The following GRAMD2B variants were observed in gnomAD, a reference collection of about 807,000 sequenced individuals.
GRAMD2B encodes the protein GRAM domain-containing protein 2B.
GRAMD2B carries 41 observed loss-of-function variants against 59.2 expected under a neutral mutation model. The ratio of observed to expected loss-of-function variants is 0.69; its 90% CI spans 0.54 to 0.90. The LOEUF (loss-of-function observed/expected upper bound fraction) is 0.90, where lower values mean the gene tolerates loss of function less well. Among genes scored for constraint, GRAMD2B ranks in the 40% least tolerant of loss-of-function variants. The pLI is 0.00. For missense variants in GRAMD2B, 424 were observed against 500.5 expected (o/e 0.85, Z 1.46); for synonymous variants, 161 against 182.7 (o/e 0.88, Z 0.96).
chr5:126,454,885 G>A (rs1765998885), intron 1 of GRAMD2B, among the ~76,000 whole-genome samples: 1 of 152,134 alleles, frequency 6.6e-6, no homozygotes, highest in Non-Finnish European at 1.5e-5. Flanking sequence ...CCTATTTGGG[G>A]CTCCTTTGGT....
chr5:126,453,063 T>G (rs944907509), intron 1 of GRAMD2B, among the ~76,000 whole-genome samples: 4 of 152,130 alleles, frequency 2.6e-5, no homozygotes, highest in Non-Finnish European at 5.9e-5. Flanking sequence ...CAATTGCTGG[T>G]GGAGAAGAGC....
chr5:126,422,717 T>A (rs1759871759), upstream of GRAMD2B, among the ~76,000 whole-genome samples: 1 of 152,114 alleles, frequency 6.6e-6, no homozygotes, highest in East Asian at 1.9e-4. Context: ...AACAGGCAAG[T>A]CAAAATGTCA....
chr5:126,461,029 A>G (rs1581135954), intron 1 of GRAMD2B, among the ~76,000 whole-genome samples: 1 of 152,192 alleles, frequency 6.6e-6, no homozygotes, highest in East Asian at 1.9e-4. Flanking sequence ...AGCTTAGATT[A>G]ACATGTGGGT....
At chr5:126,374,285 A>C (rs1191155707) in intron 1 of GRAMD2B, among the ~76,000 whole-genome samples, 1 of 152,176 alleles carries the variant, frequency 6.6e-6, no homozygotes, top group Non-Finnish European at 1.5e-5. Flanking sequence ...ATGGTAACTC[A>C]ATGTGGGTTT....
chr5:126,465,497 C>A lies in GRAMD2B; in HGVS notation c.155C>A (p.Pro52Gln), dbSNP rs758938822. The A allele has an allele frequency of 5.6e-6, 9 of 1,614,016 alleles. No individual in the cohort carries two copies. The highest frequency in any genetic ancestry group is 7.6e-6 in the Non-Finnish European group (9 of 1,180,024). The change falls in exon 2 of 14, where the codon CCA (proline) becomes CAA (glutamine). Residue 52 changes from proline (P) to glutamine (Q), a missense_variant. Pro to Gln is a moderately conservative substitution (Grantham distance 76). Coordinates refer to ENST00000285689, the MANE Select transcript of GRAMD2B (RefSeq NM_023927.4). ...TCGCCAACAGCCCAATCCCCTACCCCATCTGTGGAGGCGGACTCCCCAGAC... is the reference window on the plus strand; with the variant it reads ...TCGCCAACAGCCCAATCCCCTACCCAATCTGTGGAGGCGGACTCCCCAGAC... ...CRSPTAQSPT[P>Q]SVEADSPDQK...
At chr5:126,400,413 TAAC>T (rs1398040072) in intron 1 of GRAMD2B, among the ~76,000 whole-genome samples, 1 of 152,144 alleles carries the variant, frequency 6.6e-6, no homozygotes, top group African/African-American at 2.4e-5. Context: ...ATGTATCTAT[TAAC>T]AAATTATTAT....
intron 1 of GRAMD2B, among the ~76,000 whole-genome samples, chr5:126,376,887 G>A (rs1755234105): frequency 6.6e-6 from 1 of 152,080 alleles, no homozygotes; most frequent in Non-Finnish European, 1.5e-5. Flanking sequence ...GGCAGGCTAA[G>A]ACAGGAGGCA....
chr5:126,394,860 T>A (rs1561476161), intron 1 of GRAMD2B, among the ~76,000 whole-genome samples: 1 of 152,222 alleles, frequency 6.6e-6, no homozygotes, highest in Non-Finnish European at 1.5e-5. Context: ...TAAATATGTT[T>A]TTTTTCTGTC....
intron 1 of GRAMD2B, among the ~76,000 whole-genome samples, chr5:126,379,067 T>G: frequency 6.6e-6 from 1 of 151,730 alleles, no homozygotes; most frequent in African/African-American, 2.4e-5. Context: ...CTCCCACCCT[T>G]TCCCCCAAGT....
At chr5:126,466,166 A>C (rs1768340077) in intron 2 of GRAMD2B, 1 of 1,444,478 alleles carries the variant, frequency 6.9e-7, no homozygotes. Flanking sequence ...AGTTTATCTA[A>C]ACTGAGTACA....
intron 1 of GRAMD2B, among the ~76,000 whole-genome samples, chr5:126,454,694 A>G (rs1432042238): frequency 1.3e-5 from 2 of 152,186 alleles, no homozygotes; most frequent in Admixed American, 6.5e-5. Context: ...TTGAGACCAT[A>G]TTAAAGAGGT....
At chr5:126,441,164 T>G (rs1763225448) in intron 1 of GRAMD2B, among the ~76,000 whole-genome samples, 1 of 152,202 alleles carries the variant, frequency 6.6e-6, no homozygotes. Flanking sequence ...AATTATATAT[T>G]TTTTTCTTAA....
chr5:126,414,814 A>G (rs1759119894), intron 1 of GRAMD2B, among the ~76,000 whole-genome samples: 1 of 152,124 alleles, frequency 6.6e-6, no homozygotes, highest in South Asian at 2.1e-4. Context: ...ACAGAGCCCT[A>G]TAGGAAGATG....
upstream of GRAMD2B, among the ~76,000 whole-genome samples, chr5:126,369,160 A>G (rs545667077): frequency 6.6e-6 from 1 of 152,118 alleles, no homozygotes; most frequent in South Asian, 2.1e-4. Context: ...TGCCTTCCCC[A>G]TGACCCCACA....
chr5:126,414,312 A>G (rs547422276), intron 1 of GRAMD2B, among the ~76,000 whole-genome samples: 200 of 152,326 alleles, frequency 1.3e-3, no homozygotes, highest in African/African-American at 4.0e-3. Flanking sequence ...TAGGTGTCTT[A>G]TTAGAGAATT....
At chr5:126,474,361 T>C (rs1352627641) in intron 5 of GRAMD2B, among the ~76,000 whole-genome samples, 1 of 152,238 alleles carries the variant, frequency 6.6e-6, no homozygotes, top group East Asian at 1.9e-4. Context: ...ATATTTTCTT[T>C]TGTTGGTGTT....
At chr5:126,376,279 C>T (rs1206548882) in intron 1 of GRAMD2B, among the ~76,000 whole-genome samples, 2 of 152,124 alleles carry the variant, frequency 1.3e-5, no homozygotes, top group Non-Finnish European at 2.9e-5. Flanking sequence ...CAGAACTAAT[C>T]GGAAATGTTA....
chr5:126,443,428 G>A (rs1763632439), intron 1 of GRAMD2B, among the ~76,000 whole-genome samples: 1 of 152,178 alleles, frequency 6.6e-6, no homozygotes, highest in Non-Finnish European at 1.5e-5. Flanking sequence ...TTTAGTAAGT[G>A]TTGTTTCAGT....
chr5:126,398,369 G>A (rs980629548), intron 1 of GRAMD2B, among the ~76,000 whole-genome samples: 4 of 151,912 alleles, frequency 2.6e-5, no homozygotes, highest in Admixed American at 2.6e-4. Context: ...TAGGTTTTAT[G>A]TTTCTAGGAA....
Sources: gnomAD v4.1 joint callset for allele counts (sites outside exome capture counted in the v4.1 genomes callset) on GRCh38, gnomAD v4.1.1 for gene constraint, MANE v1.5 for transcripts, NCBI Gene and HGNC (gene_info 2026-07-23, HGNC 2026-07-21) for gene names.